FAM227B: variants seen among roughly 807,000 people sequenced by gnomAD.
The protein encoded by FAM227B is family with sequence similarity 227 member B, also known as protein FAM227B.
FAM227B carries 88 observed loss-of-function variants against 73.8 expected under a neutral mutation model. The ratio of observed to expected loss-of-function variants is 1.19; its 90% CI spans 1.00 to 1.42. The LOEUF is 1.42. FAM227B is among the 40% of genes most tolerant of loss of function. The pLI, the probability that FAM227B is intolerant of heterozygous loss-of-function variation, is 0.00. For synonymous variants in FAM227B, 210 were observed against 190.5 expected (o/e 1.10, Z -0.84); for missense variants, 632 against 590.9 (o/e 1.07, Z -0.72).
At chr15:49,535,542 G>A (rs1230772387) in intron 10 of FAM227B, among the ~76,000 whole-genome samples, 4 of 151,770 alleles carry the variant, frequency 2.6e-5, no homozygotes, top group Non-Finnish European at 5.9e-5. Context: ...AATAAAACTA[G>A]AGAGAATACT....
chr15:49,419,966 A>G (rs1218462838), intron 11 of FAM227B, among the ~76,000 whole-genome samples: 3 of 152,150 alleles, frequency 2.0e-5, no homozygotes, highest in Admixed American at 2.0e-4. Flanking sequence ...TCATAAGAAG[A>G]GAAATGCAAA....
intron 10 of FAM227B, among the ~76,000 whole-genome samples, chr15:49,540,157 A>G (rs2070860138): frequency 6.6e-6 from 1 of 152,172 alleles, no homozygotes; most frequent in South Asian, 2.1e-4. Context: ...CTGTGTCCTG[A>G]AGACAGAAAG....
At chr15:49,366,662 G>A in intron 13 of FAM227B, 1 of 1,537,396 alleles carries the variant, frequency 6.5e-7, no homozygotes, top group Non-Finnish European at 8.9e-7. Flanking sequence ...CGTGGCAGGG[G>A]ACAGCCGCCG....
At chr15:49,556,488 T>C (rs1244095056) in intron 9 of FAM227B, among the ~76,000 whole-genome samples, 1 of 152,138 alleles carries the variant, frequency 6.6e-6, no homozygotes, top group Non-Finnish European at 1.5e-5. Flanking sequence ...AACATTCTGA[T>C]GTGTGGTGCC....
intron 9 of FAM227B, among the ~76,000 whole-genome samples, chr15:49,559,583 G>T (rs2074066344): frequency 6.6e-6 from 1 of 152,038 alleles, no homozygotes; most frequent in South Asian, 2.1e-4. Context: ...TAAGTCAACA[G>T]AGGCAATGCC....
At chr15:49,429,867 CATT>C (rs1029893730) in intron 11 of FAM227B, among the ~76,000 whole-genome samples, 15 of 151,996 alleles carry the variant, frequency 9.9e-5, no homozygotes, top group Admixed American at 7.9e-4. Flanking sequence ...AAGGACCAGG[CATT>C]AGTATTTGTT....
chr15:49,378,235 A>G (rs543882296), intron 11 of FAM227B, among the ~76,000 whole-genome samples: 1 of 151,408 alleles, frequency 6.6e-6, no homozygotes, highest in African/African-American at 2.4e-5. Context: ...TTTTTATGCC[A>G]GTACCATGCT....
intron 10 of FAM227B, among the ~76,000 whole-genome samples, chr15:49,532,724 C>G (rs2060704841): frequency 6.6e-6 from 1 of 151,548 alleles, no homozygotes; most frequent in East Asian, 1.9e-4. Flanking sequence ...ATTGTTTAAT[C>G]AGAACAACTT....
At chr15:49,385,218 T>A (rs550880059) in intron 11 of FAM227B, among the ~76,000 whole-genome samples, 2 of 152,070 alleles carry the variant, frequency 1.3e-5, no homozygotes, top group African/African-American at 4.8e-5. Context: ...AGTACATTCA[T>A]GTAACCTTAA....
chr15:49,361,219 A>T (rs1406546126), intron 13 of FAM227B, among the ~76,000 whole-genome samples: 1 of 152,224 alleles, frequency 6.6e-6, no homozygotes, highest in Non-Finnish European at 1.5e-5. Context: ...TAAAAAACTT[A>T]AAAAATATTA....
At position 49,521,694 on chromosome 15, in the gene FAM227B, TTGG is replaced by T. The variant is rs746507523; in HGVS notation, c.875-13349_875-13347del. ...GAGAGAGTTTCTTCCCCAGGCCATTTTGGTAGCTACCAGATGGGTGTTTTCCAT... is the reference window on the plus strand; with the variant it reads ...GAGAGAGTTTCTTCCCCAGGCCATTTTAGCTACCAGATGGGTGTTTTCCAT... On this transcript the variant is annotated intron_variant, in intron 10 of 15. Coordinates refer to ENST00000299338, the MANE Select transcript of FAM227B (RefSeq NM_152647.3). Among the ~76,000 whole-genome samples the T allele has an allele frequency of 1.2e-4, 19 of 152,326 alleles. No individual in the cohort carries two copies. The South Asian group carries it at 1.5e-3, about 12-fold the overall frequency.
At position 49,332,030 on chromosome 15, in the gene FAM227B, TGAG is replaced by T. The variant is rs2038862604; in HGVS notation, c.1350-184_1350-182del. 7 of 576,608 alleles carry T rather than the reference TGAG, an allele frequency of 1.2e-5. No individual in the cohort carries two copies. The South Asian group carries it at 1.5e-4, about 12-fold the overall frequency. 35.7% of individuals were successfully genotyped at this position (576,608 alleles called of 1,614,324 possible). The stretch of plus-strand genomic sequence containing the variant: ...TACTCCTATTATCCTATTTTATAAA[TGAG>T]GAAACAGGCTGAGATAGGTTCAGAC... On this transcript the variant is annotated intron_variant, in intron 14 of 15. Transcript: ENST00000299338.
At position 49,615,250 on chromosome 15, in the gene FAM227B, T is replaced by TA; in HGVS notation, c.-72-8dup. The TA allele has an allele frequency of 8.3e-7, 1 of 1,197,794 alleles. No individual in the cohort carries two copies. Among genetic ancestry groups the TA allele is most frequent in the Non-Finnish European group, 1.2e-6 (1 of 801,672 alleles). 74.2% of individuals were successfully genotyped at this position (1,197,794 alleles called of 1,614,324 possible). ...TGTGAGTTGGGCGACCAAACTGGGG[T>TA]ATGAAAGACACCCAAATGCAAAAAT... On this transcript the variant is annotated splice_polypyrimidine_tract_variant and splice_region_variant and intron_variant, in intron 1 of 15. Coordinates refer to ENST00000299338, the MANE Select transcript of FAM227B (RefSeq NM_152647.3).
rs1567598720 is a variant in FAM227B, at chr15:49,568,349, T to C, written c.646-3A>G. 1 of 1,597,292 alleles carries C rather than the reference T, an allele frequency of 6.3e-7. No homozygotes were observed. The highest frequency in any genetic ancestry group is 1.8e-5 in the Admixed American group (1 of 57,008). The stretch of plus-strand genomic sequence containing the variant: ...CAATCTTGGTTTTCTCTGTCAGGCT[T>C]AAAAAAATGTGTGAAATTAAAGTCA... On this transcript the variant is annotated splice_region_variant and splice_polypyrimidine_tract_variant and intron_variant, in intron 8 of 15. Transcript: ENST00000299338.
intron 2 of FAM227B, among the ~76,000 whole-genome samples, chr15:49,612,048 TA>T (rs1822799139): frequency 1.3e-5 from 2 of 151,504 alleles, no homozygotes; most frequent in African/African-American, 4.9e-5. Context: ...TTTTTTTTTT[TA>T]ATTTGGTATG....
intron 3 of FAM227B, among the ~76,000 whole-genome samples, chr15:49,592,024 G>C (rs1192778149): frequency 6.6e-6 from 1 of 152,080 alleles, no homozygotes; most frequent in Non-Finnish European, 1.5e-5. Flanking sequence ...GCTCCATCAG[G>C]TCATTTAAGC....
At chr15:49,494,250 CACACAA>C (rs1440499158) in intron 11 of FAM227B, among the ~76,000 whole-genome samples, 2 of 73,636 alleles carry the variant, frequency 2.7e-5, no homozygotes, top group Non-Finnish European at 3.7e-5. Flanking sequence ...TAGTGGGAGA[CACACAA>C]ACACACACAC....
At chr15:49,425,231 T>C (rs934793984) in intron 11 of FAM227B, 2 of 151,712 alleles carry the variant, frequency 1.3e-5, no homozygotes, top group Non-Finnish European at 3.0e-5. Context: ...TCATAAAAGT[T>C]CTGTGCTATC....
intron 5 of FAM227B, among the ~76,000 whole-genome samples, chr15:49,581,330 C>CTT (rs752126650): frequency 7.6e-5 from 11 of 144,162 alleles, no homozygotes; most frequent in African/African-American, 2.8e-4. Context: ...ATTCAGTATT[C>CTT]TTTTTTTTTT....
Sources: allele counts gnomAD v4.1 joint callset (sites outside exome capture counted in the v4.1 genomes callset), GRCh38; gene constraint gnomAD v4.1.1; transcripts MANE v1.5; gene names NCBI Gene and HGNC (gene_info 2026-07-23, HGNC 2026-07-21).